Variants in RAB3GAP2 observed in about 807,000 individuals in gnomAD.
RAB3GAP2 encodes rab3 GTPase-activating protein non-catalytic subunit.
A neutral mutation model predicts 185.3 loss-of-function variants in RAB3GAP2; 87 were observed. The observed-to-expected ratio is 0.47, with a 90% CI of 0.39 to 0.56. RAB3GAP2 has a LOEUF of 0.56. RAB3GAP2 is among the 20% of genes least tolerant of loss of function. The pLI, the probability that RAB3GAP2 is intolerant of heterozygous loss-of-function variation, is 0.00. For missense variants in RAB3GAP2, 1,492 were observed against 1,638.2 expected (o/e 0.91, Z 1.54); for synonymous variants, 554 against 576.1 (o/e 0.96, Z 0.55).
chr1:220,227,755 T>C (rs1226802383), intron 2 of RAB3GAP2, among the ~76,000 whole-genome samples: 1 of 152,172 alleles, frequency 6.6e-6, no homozygotes, highest in Non-Finnish European at 1.5e-5. Context: ...TTTTGTTTGT[T>C]TGTCTGTTTG....
intron 1 of RAB3GAP2, among the ~76,000 whole-genome samples, chr1:220,271,903 G>A (rs1281924955): frequency 7.8e-6 from 1 of 127,850 alleles, no homozygotes; most frequent in African/African-American, 2.9e-5. Flanking sequence ...AAGATACTCA[G>A]AGAGAAAGCT....
chr1:220,250,581 G>T (rs1659914120), intron 1 of RAB3GAP2, among the ~76,000 whole-genome samples: 5 of 152,178 alleles, frequency 3.3e-5, no homozygotes. Flanking sequence ...GAGGACATGA[G>T]ATTTGGGAGG....
rs1659134414 is a variant in RAB3GAP2, at chr1:220,213,936, A to C, written c.224T>G (p.Leu75Arg). 1.2e-6 allele frequency: 2 copies of C among 1,613,310 alleles called. No individual in the cohort carries two copies. Among genetic ancestry groups the C allele is most frequent in the Admixed American group, 1.7e-5 (1 of 59,996 alleles). Residue 75 changes from leucine (L) to arginine (R), a missense_variant, in exon 3 of 35, where the codon CTC becomes CGC. This residue lies in a region of RAB3GAP2 where 177 missense variants were observed against 160.6 expected (regional missense o/e 1.10). Coordinates refer to ENST00000358951, the MANE Select transcript of RAB3GAP2 (RefSeq NM_012414.4). ...AGATAAGGATAAAACACAATCTTGG[A>C]GCCAGGAAGTTTTTTGTGTTTTGCA... ...NTCKTQKTSW[L>R]QDCVLSLSPT...
chr1:220,192,343 A>G (rs1254349240), intron 13 of RAB3GAP2, among the ~76,000 whole-genome samples: 1 of 124,186 alleles, frequency 8.1e-6, no homozygotes, highest in Non-Finnish European at 1.6e-5. Context: ...GTCCAGAGTA[A>G]TTGAATGACC....
chr1:220,192,454 A>AT (rs1406665054), intron 13 of RAB3GAP2, among the ~76,000 whole-genome samples: 1 of 152,190 alleles, frequency 6.6e-6, no homozygotes, highest in Non-Finnish European at 1.5e-5. Flanking sequence ...ATTCTAAATA[A>AT]TGTAATCATC....
intron 2 of RAB3GAP2, among the ~76,000 whole-genome samples, chr1:220,231,949 A>G (rs1266046232): frequency 6.6e-6 from 1 of 152,232 alleles, no homozygotes. Context: ...ATTCCATTCT[A>G]TCTTTGGACT....
intron 1 of RAB3GAP2, among the ~76,000 whole-genome samples, chr1:220,244,703 T>C (rs1571925406): frequency 6.6e-6 from 1 of 152,094 alleles, no homozygotes; most frequent in Non-Finnish European, 1.5e-5. Context: ...GATGTAAAAA[T>C]AGGCACTTAG....
intron 11 of RAB3GAP2, 33 bp from the exon 12 acceptor site, chr1:220,195,200 G>A: frequency 6.2e-7 from 1 of 1,610,894 alleles, no homozygotes; most frequent in Non-Finnish European, 8.5e-7. Context: ...ATATAAAACT[G>A]AGCTTCCAGG....
intron 1 of RAB3GAP2, among the ~76,000 whole-genome samples, chr1:220,242,936 A>G (rs1032091846): frequency 6.6e-6 from 1 of 152,214 alleles, no homozygotes. Context: ...AGAGATAAAA[A>G]TGTTCAAAAT....
In RAB3GAP2 at chr1:220,149,590, T is replaced by G. The variant is rs1416150639; in HGVS notation, c.*1661A>C. The G allele has an allele frequency of 6.6e-6, 1 of 152,160 alleles. No homozygotes were observed. Among genetic ancestry groups the G allele is most frequent in the African/African-American group, 2.4e-5 (1 of 41,428 alleles). The allele number at this position is 152,160 out of a possible 1,614,324, so 9.4% of individuals were successfully genotyped here. ...GTGACTGTTAACACAGAGCCAGATA[T>G]GTTTACAAGAATTCTAGGATGTGTG... On this transcript the variant is annotated 3_prime_UTR_variant, in exon 35 of 35. Transcript: ENST00000358951.
chr1:220,153,388 T>C lies in RAB3GAP2; in HGVS notation c.3664A>G (p.Ser1222Gly). The change falls in exon 33 of 35, where the codon AGT (serine) becomes GGT (glycine). Residue 1222 changes from serine (S) to glycine (G), a missense_variant. Coordinates refer to ENST00000358951, the MANE Select transcript of RAB3GAP2 (RefSeq NM_012414.4). ...VRQQFLLKVV[S>G]AAVQAQHSAT... is the part of the protein sequence containing the mutation. ...GAATGTTGGGCCTGGACAGCTGCAC[T>C]GACAACTTTCAATAAGAACTTGAAA... 6.2e-7 allele frequency: 1 copy of C among 1,614,178 alleles called. No individual in the cohort carries two copies. Among genetic ancestry groups the C allele is most frequent in the African/African-American group, 1.3e-5 (1 of 75,062 alleles).
At chr1:220,154,738 T>G (rs1657825978) in intron 31 of RAB3GAP2, among the ~76,000 whole-genome samples, 1 of 150,112 alleles carries the variant, frequency 6.7e-6, no homozygotes, top group African/African-American at 2.4e-5. Flanking sequence ...TTTTTTTTTT[T>G]GAGACAGAGT....
chr1:220,180,303 C>G (rs1183815045), intron 21 of RAB3GAP2, among the ~76,000 whole-genome samples: 1 of 151,422 alleles, frequency 6.6e-6, no homozygotes, highest in East Asian at 1.9e-4. Context: ...AAAGATCAAG[C>G]AGAAATAAAT....
intron 1 of RAB3GAP2, among the ~76,000 whole-genome samples, chr1:220,243,619 T>C (rs570252235): frequency 6.6e-6 from 1 of 152,300 alleles, no homozygotes; most frequent in African/African-American, 2.4e-5. Flanking sequence ...GAGTACATCA[T>C]CTTCAGTACC....
intron 9 of RAB3GAP2, among the ~76,000 whole-genome samples, chr1:220,200,192 C>G (rs756706876): frequency 6.6e-6 from 1 of 152,166 alleles, no homozygotes; most frequent in African/African-American, 2.4e-5. Context: ...GCTCCTCTAC[C>G]TAGAATGCTC....
intron 26 of RAB3GAP2, among the ~76,000 whole-genome samples, chr1:220,165,748 C>T (rs1658050591): frequency 6.6e-6 from 1 of 152,154 alleles, no homozygotes; most frequent in South Asian, 2.1e-4. Flanking sequence ...TTCATTTTCT[C>T]AAAATATGCA....
In RAB3GAP2 at chr1:220,206,018, A is replaced by AT; in HGVS notation, c.613-13dup. The stretch of plus-strand genomic sequence containing the variant: ...CTCAACTCTTCATTCTATTTAAGAA[A>AT]TAAAAAAAAAAAGTTCTTGAATAGA... On this transcript the variant is annotated splice_polypyrimidine_tract_variant and intron_variant, in intron 7 of 34. Transcript: ENST00000358951. 1 of 1,515,794 alleles carries AT rather than the reference A, an allele frequency of 6.6e-7. No homozygotes were observed. The highest frequency in any genetic ancestry group is 9.0e-7 in the Non-Finnish European group (1 of 1,105,284). The allele number at this position is 1,515,794 out of a possible 1,614,324, so 93.9% of individuals were successfully genotyped here.
chr1:220,185,338 C>T (rs993770583), intron 18 of RAB3GAP2, among the ~76,000 whole-genome samples: 6 of 152,032 alleles, frequency 3.9e-5, no homozygotes, highest in Admixed American at 2.0e-4. Context: ...ACTCTGTTCA[C>T]GAGGGAAACT....
At chr1:220,152,776 C>T (rs765506994) in intron 33 of RAB3GAP2, among the ~76,000 whole-genome samples, 22 of 152,104 alleles carry the variant, frequency 1.4e-4, no homozygotes, top group Admixed American at 4.6e-4. Flanking sequence ...AGATTGGTCT[C>T]GAGCTTCTGG....
Sources: gnomAD v4.1 joint callset for allele counts (sites outside exome capture counted in the v4.1 genomes callset) on GRCh38, gnomAD v4.1.1 for gene constraint, gnomAD v4.1.1 regional missense constraint, MANE v1.5 for transcripts, NCBI Gene and HGNC (gene_info 2026-07-23, HGNC 2026-07-21) for gene names.